MAP3K1: variants seen among roughly 807,000 people sequenced by gnomAD.
MAP3K1 encodes the protein MAP/ERK kinase kinase 1.
A neutral mutation model predicts 144.2 loss-of-function variants in MAP3K1; 36 were observed. The observed-to-expected ratio is 0.25, with a 90% CI of 0.19 to 0.33. MAP3K1 has a LOEUF of 0.33. Among genes scored for constraint, MAP3K1 ranks in the 10% least tolerant of loss-of-function variants. MAP3K1 has a pLI of 1.00. For synonymous variants in MAP3K1, 718 were observed against 688.7 expected, an observed-to-expected ratio of 1.04 and a Z score of -0.67; for missense variants, 1,650 against 1,881.9, an observed-to-expected ratio of 0.88 and a Z score of 2.28.
intron 1 of MAP3K1, among the ~76,000 whole-genome samples, chr5:56,832,657 A>T (rs927453978): frequency 6.6e-6 from 1 of 151,952 alleles, no homozygotes; most frequent in Non-Finnish European, 1.5e-5. Context: ...ATCTTTGCAT[A>T]TTTTTTTTAA....
At chr5:56,889,866 G>A (rs1173880495) in intron 19 of MAP3K1, among the ~76,000 whole-genome samples, 2 of 152,050 alleles carry the variant, frequency 1.3e-5, no homozygotes, top group African/African-American at 4.8e-5. Context: ...ACCTCCTCCA[G>A]TGCTCCCCAC....
At chr5:56,831,276 C>T (rs565560821) in intron 1 of MAP3K1, among the ~76,000 whole-genome samples, 2 of 150,938 alleles carry the variant, frequency 1.3e-5, no homozygotes, top group African/African-American at 2.4e-5. Flanking sequence ...ACTGTCTGTC[C>T]TCTGTGATTA....
rs370879311 is a variant in MAP3K1 at position 56,881,635 on chromosome 5, T to C, written c.2435T>C (p.Val812Ala). ...TCCATTGATAATTCCCACTCAATGGTTGGCAAACTTTCCAGAAGGATCTAC... is the reference window on the plus strand; with the variant it reads ...TCCATTGATAATTCCCACTCAATGGCTGGCAAACTTTCCAGAAGGATCTAC... ...LQSIDNSHSM[V>A]GKLSRRIYLS... The change falls in exon 14 of 20, where the codon GTT (valine) becomes GCT (alanine). Residue 812 changes from valine (V) to alanine (A), a missense_variant. This residue lies in a region of MAP3K1 where 841 missense variants were observed against 886.5 expected (regional missense o/e 0.95). Transcript: ENST00000399503. 2.2e-5 allele frequency: 35 copies of C among 1,613,976 alleles called. No homozygotes were observed. In the African/African-American group the frequency reaches 3.9e-4, roughly 18 times the overall value.
chr5:56,850,703 A>C (rs1289972739), intron 1 of MAP3K1, among the ~76,000 whole-genome samples: 3 of 152,182 alleles, frequency 2.0e-5, no homozygotes, highest in African/African-American at 7.2e-5. Flanking sequence ...TACCCTGGGC[A>C]TAACCCAGCC....
At chr5:56,885,084 C>G (rs1201195838) in intron 16 of MAP3K1, among the ~76,000 whole-genome samples, 1 of 152,018 alleles carries the variant, frequency 6.6e-6, no homozygotes, top group Non-Finnish European at 1.5e-5. Flanking sequence ...GTTTTTAATA[C>G]TTGATATGTA....
intron 3 of MAP3K1, among the ~76,000 whole-genome samples, chr5:56,860,785 A>G (rs1367024699): frequency 3.3e-5 from 5 of 152,156 alleles, no homozygotes; most frequent in African/African-American, 7.2e-5. Context: ...CCCAGGAGGC[A>G]GAGGTTGCAG....
chr5:56,874,562 T>G (rs747456997), intron 9 of MAP3K1, among the ~76,000 whole-genome samples: 1 of 152,226 alleles, frequency 6.6e-6, no homozygotes, highest in Middle Eastern at 3.2e-3. Context: ...ATTGCTCTTG[T>G]CTGTAAGAGA....
rs1262944607 is a variant in MAP3K1 at position 56,882,514 on chromosome 5, T to G, written c.3314T>G (p.Val1105Gly). The change falls in exon 14 of 20, where the codon GTT (valine) becomes GGT (glycine). Residue 1105 changes from valine (V) to glycine (G), a missense_variant. By Grantham distance (109) the Val-to-Gly change is moderately radical. Around this residue, in one of 6 missense-constraint regions of MAP3K1, gnomAD observed 841 missense variants for 886.5 expected, o/e 0.95. Transcript: ENST00000399503. ...FGCSSNSSNA[V>G]IPSDETVFTP... The stretch of plus-strand genomic sequence containing the variant: ...TGTAGCAGCAATAGTAGTAATGCTG[T>G]TATACCCAGTGACGAGACAGTGTTC... 1 of 1,613,514 alleles carries G rather than the reference T, an allele frequency of 6.2e-7. No homozygotes were observed. Among genetic ancestry groups the G allele is most frequent in the Non-Finnish European group, 8.5e-7 (1 of 1,179,486 alleles).
chr5:56,850,785 A>C (rs1192355301), intron 1 of MAP3K1, among the ~76,000 whole-genome samples: 1 of 152,112 alleles, frequency 6.6e-6, no homozygotes. Flanking sequence ...CATGTAAAGC[A>C]CCTAATCCAT....
intron 1 of MAP3K1, among the ~76,000 whole-genome samples, chr5:56,819,337 G>A (rs1227743376): frequency 6.6e-6 from 1 of 152,050 alleles, no homozygotes; most frequent in African/African-American, 2.4e-5. Flanking sequence ...ATAGCACCTC[G>A]AGCATAATAT....
intron 1 of MAP3K1, among the ~76,000 whole-genome samples, chr5:56,855,395 C>A (rs767984112): frequency 6.6e-6 from 1 of 152,066 alleles, no homozygotes; most frequent in Non-Finnish European, 1.5e-5. Flanking sequence ...GGTCTTAATG[C>A]CTATTTGCAA....
rs181986706 is a variant in MAP3K1 at position 56,868,858 on chromosome 5, C to T, written c.1301+2881C>T. 7.5e-3 allele frequency among the ~76,000 whole-genome samples: 1,148 copies of T among 152,184 alleles called. 6 individuals carry two copies. The highest frequency in any genetic ancestry group is 0.014 in the Non-Finnish European group (934 of 68,010). ...GAATGGATAAAATGTGGTATATACA[C>T]ATAGTGGAATATTACTCAGCTTTAC... On this transcript the variant is annotated intron_variant, in intron 6 of 19. Coordinates refer to ENST00000399503, the MANE Select transcript of MAP3K1 (RefSeq NM_005921.2).
chr5:56,858,843 G>A (rs1747415104), intron 2 of MAP3K1, among the ~76,000 whole-genome samples: 1 of 152,192 alleles, frequency 6.6e-6, no homozygotes, highest in Middle Eastern at 3.4e-3. Context: ...ATGTGAAGGT[G>A]TACTGCCTGG....
In MAP3K1 at chr5:56,881,716, A is replaced by C; in HGVS notation, c.2516A>C (p.Glu839Ala). 2 of 1,614,164 alleles carry C rather than the reference A, an allele frequency of 1.2e-6. No homozygotes were observed. The highest frequency in any genetic ancestry group is 1.7e-6 in the Non-Finnish European group (2 of 1,180,022). The part of the protein sequence containing the change: ...TVPHVFSKLL[E>A]MLSVSSSTHF... ...CCCCATGTGTTTTCAAAACTGTTAG[A>C]AATGCTGAGTGTTTCCAGTTCCACT... Residue 839 changes from glutamate to alanine, a missense_variant, in exon 14 of 20, where the codon GAA becomes GCA. Physicochemically the swap from Glu to Ala is moderately radical, Grantham distance 107. Transcript: ENST00000399503.
At chr5:56,874,167 T>C (rs779553313) in intron 9 of MAP3K1, among the ~76,000 whole-genome samples, 2 of 152,192 alleles carry the variant, frequency 1.3e-5, no homozygotes, top group East Asian at 3.8e-4. Context: ...TCCCATAATA[T>C]CCCTTTATAA....
In MAP3K1 at chr5:56,815,790, C is replaced by A. The variant is rs762225049; in HGVS notation, c.217C>A (p.Leu73Met). Residue 73 changes from leucine (L) to methionine (M), a missense_variant, in exon 1 of 20, where the codon CTG becomes ATG. Physicochemically the swap from Leu to Met is conservative, Grantham distance 15. Coordinates refer to ENST00000399503, the MANE Select transcript of MAP3K1 (RefSeq NM_005921.2). ...RKVRSVELDQ[L>M]PEQPLFLAAS... Reference sequence around the variant, plus strand: ...AGTGCGGAGTGTGGAGCTGGACCAGCTGCCTGAGCAGCCGCTCTTCCTTGC... The same window carrying A: ...AGTGCGGAGTGTGGAGCTGGACCAGATGCCTGAGCAGCCGCTCTTCCTTGC... 4 of 1,420,834 alleles carry A rather than the reference C, an allele frequency of 2.8e-6. No individual in the cohort carries two copies. In the East Asian group the frequency reaches 1.3e-4, roughly 44 times the overall value. 88.0% of individuals were successfully genotyped at this position (1,420,834 alleles called of 1,614,324 possible).
Position 56,859,910 on chromosome 5 carries a change from G to A in MAP3K1, c.829G>A (p.Val277Met). 1.2e-6 allele frequency: 2 copies of A among 1,609,062 alleles called. No individual in the cohort carries two copies. Among genetic ancestry groups the A allele is most frequent in the Non-Finnish European group, 1.7e-6 (2 of 1,176,818 alleles). Residue 277 changes from valine (V) to methionine (M), a missense_variant, in exon 3 of 20, where the codon GTG becomes ATG. By Grantham distance (21) the Val-to-Met change is conservative. This residue lies in a region of MAP3K1 where 148 missense variants were observed against 177.2 expected (regional missense o/e 0.84). Coordinates refer to ENST00000399503, the MANE Select transcript of MAP3K1 (RefSeq NM_005921.2). ...AGTAAGGAGAAAAAGAGTTTCCCCA[G>A]TGCCTGTAAGTTAATGTTACAACAA... ...PGVRRKRVSP[V>M]PFQSGRITPP...
At chr5:56,821,837 G>A (rs1746161505) in intron 1 of MAP3K1, among the ~76,000 whole-genome samples, 1 of 152,194 alleles carries the variant, frequency 6.6e-6, no homozygotes, top group Non-Finnish European at 1.5e-5. Context: ...ATCTAGACTA[G>A]TGTCTGGCAC....
intron 1 of MAP3K1, among the ~76,000 whole-genome samples, chr5:56,853,272 A>G (rs141803456): frequency 1.3e-5 from 2 of 152,344 alleles, no homozygotes; most frequent in African/African-American, 4.8e-5. Context: ...ACATGTAATT[A>G]TTACAAAGAG....
Sources: gnomAD v4.1 joint callset for allele counts (sites outside exome capture counted in the v4.1 genomes callset) on GRCh38, gnomAD v4.1.1 for gene constraint, gnomAD v4.1.1 regional missense constraint, MANE v1.5 for transcripts, NCBI Gene and HGNC (gene_info 2026-07-23, HGNC 2026-07-21) for gene names.